SH3RF1: variants seen among roughly 807,000 people sequenced by gnomAD.
SH3RF1 encodes the protein SH3 domain containing ring finger 1.
SH3RF1 carries 32 observed loss-of-function variants against 74.0 expected under a neutral mutation model. That is an observed-to-expected ratio of 0.43 (90% CI 0.33 to 0.58). The LOEUF is 0.58. SH3RF1 is among the 20% of genes least tolerant of loss of function. SH3RF1 has a pLI of 0.05. For missense variants in SH3RF1, 954 were observed against 1,130.9 expected (o/e 0.84, Z 2.24); for synonymous variants, 396 against 439.6 (o/e 0.90, Z 1.24).
At chr4:169,149,976 A>C (rs1321121195) in intron 4 of SH3RF1, among the ~76,000 whole-genome samples, 1 of 152,170 alleles carries the variant, frequency 6.6e-6, no homozygotes, top group South Asian at 2.1e-4. Context: ...TCTTTGGAAC[A>C]CAGACATTAC....
chr4:169,189,525 T>C (rs1250772592), intron 2 of SH3RF1, among the ~76,000 whole-genome samples: 2 of 152,178 alleles, frequency 1.3e-5, no homozygotes, highest in Admixed American at 6.6e-5. Context: ...TGCTTTCCTC[T>C]CCCCAGGACT....
chr4:169,240,728 G>A (rs1451900097), intron 2 of SH3RF1, among the ~76,000 whole-genome samples: 1 of 152,024 alleles, frequency 6.6e-6, no homozygotes, highest in African/African-American at 2.4e-5. Flanking sequence ...GAAATCTACT[G>A]GCCTAGCAGT....
intron 2 of SH3RF1, among the ~76,000 whole-genome samples, chr4:169,159,743 T>A (rs1171122304): frequency 6.6e-6 from 1 of 152,224 alleles, no homozygotes; most frequent in Non-Finnish European, 1.5e-5. Context: ...CACCTGACAA[T>A]GCATTTGTCT....
intron 2 of SH3RF1, among the ~76,000 whole-genome samples, chr4:169,265,665 G>A (rs1181588979): frequency 6.6e-6 from 1 of 151,980 alleles, no homozygotes; most frequent in Non-Finnish European, 1.5e-5. Flanking sequence ...TAAAGACGGG[G>A]TTTCACCATG....
At chr4:169,146,326 T>G (rs574924361) in intron 4 of SH3RF1, among the ~76,000 whole-genome samples, 1 of 149,874 alleles carries the variant, frequency 6.7e-6, no homozygotes, top group Admixed American at 6.7e-5. Flanking sequence ...GCCTCCTGGG[T>G]TCAAGCAATT....
intron 10 of SH3RF1, among the ~76,000 whole-genome samples, 156 bp downstream of exon 10, chr4:169,116,113 A>G (rs1369156286): frequency 6.6e-6 from 1 of 151,876 alleles, no homozygotes; most frequent in Non-Finnish European, 1.5e-5. Context: ...TCCCCACTCT[A>G]CTCCTAGCAC....
intron 4 of SH3RF1, among the ~76,000 whole-genome samples, chr4:169,140,801 A>T (rs757620946): frequency 9.2e-5 from 14 of 152,136 alleles, no homozygotes; most frequent in Non-Finnish European, 2.1e-4. Context: ...TTTACAGATG[A>T]ATCAGTCTGT....
intron 2 of SH3RF1, among the ~76,000 whole-genome samples, chr4:169,199,584 A>C (rs1298239568): frequency 6.6e-6 from 1 of 152,066 alleles, no homozygotes; most frequent in Non-Finnish European, 1.5e-5. Flanking sequence ...ATAACAGCAA[A>C]TGGTCCTGGA....
intron 2 of SH3RF1, among the ~76,000 whole-genome samples, chr4:169,177,980 C>T (rs72706476): frequency 0.049 from 7,383 of 151,866 alleles, 285 homozygotes; most frequent in South Asian, 0.19. Context: ...TTTGGTTGGG[C>T]ACGGTGGCTC....
chr4:169,212,321 C>T (rs535846583), intron 2 of SH3RF1, among the ~76,000 whole-genome samples: 1 of 152,122 alleles, frequency 6.6e-6, no homozygotes, highest in East Asian at 1.9e-4. Context: ...GCCTCAGCCT[C>T]CCAAAATGCC....
intron 4 of SH3RF1, among the ~76,000 whole-genome samples, chr4:169,150,051 C>T (rs1482113330): frequency 2.0e-5 from 3 of 152,182 alleles, no homozygotes; most frequent in African/African-American, 7.2e-5. Context: ...CACTTGTGCT[C>T]CCTGAGCCCT....
At chr4:169,159,934 C>T (rs962355941) in intron 2 of SH3RF1, among the ~76,000 whole-genome samples, 1 of 152,142 alleles carries the variant, frequency 6.6e-6, no homozygotes, top group African/African-American at 2.4e-5. Flanking sequence ...TCTGGTTGAA[C>T]AGAAGAAATT....
intron 11 of SH3RF1, among the ~76,000 whole-genome samples, chr4:169,097,566 G>A (rs558150045): frequency 6.6e-6 from 1 of 152,088 alleles, no homozygotes; most frequent in Admixed American, 6.6e-5. Context: ...GAAACGAGAG[G>A]GAGGTGACTT....
chr4:169,119,848 T>C (rs1366765378), intron 8 of SH3RF1, among the ~76,000 whole-genome samples: 3 of 152,218 alleles, frequency 2.0e-5, no homozygotes, highest in African/African-American at 7.2e-5. Context: ...CTGGACTGTA[T>C]ATTAAACGGC....
At position 169,185,877 on chromosome 4, in the gene SH3RF1, C is replaced by G. The variant is rs556589828; in HGVS notation, c.394-29198G>C. 9.9e-5 allele frequency among the ~76,000 whole-genome samples: 15 copies of G among 152,224 alleles called. No homozygotes were observed. The South Asian group carries it at 2.9e-3, about 29-fold the overall frequency. ...GGTGGAGAGAACTACACAGCGTAAT[C>G]AAGAATCAAATGGGGAGGCAGGATT... On this transcript the variant is annotated intron_variant, in intron 2 of 11. Transcript: ENST00000284637.
intron 2 of SH3RF1, among the ~76,000 whole-genome samples, chr4:169,238,243 G>C (rs548695649): frequency 3.3e-5 from 5 of 152,284 alleles, no homozygotes; most frequent in African/African-American, 1.2e-4. Flanking sequence ...GAATTAGGGT[G>C]TACCTACACC....
At chr4:169,194,286 G>T in intron 2 of SH3RF1, among the ~76,000 whole-genome samples, 2 of 152,268 alleles carry the variant, frequency 1.3e-5, no homozygotes, top group Admixed American at 1.3e-4. Context: ...AAACACTCAT[G>T]GAACAACCAC....
At chr4:169,197,624 C>CA (rs530886905) in intron 2 of SH3RF1, among the ~76,000 whole-genome samples, 17,509 of 114,020 alleles carry the variant, frequency 0.15, 1,429 homozygotes, top group African/African-American at 0.21. Context: ...GACTCTGTCT[C>CA]AAAAAAAAAA....
At chr4:169,140,060 ATTAC>A (rs1237755938) in intron 4 of SH3RF1, among the ~76,000 whole-genome samples, 1 of 152,230 alleles carries the variant, frequency 6.6e-6, no homozygotes, top group African/African-American at 2.4e-5. Context: ...ATACTTTAAA[ATTAC>A]TTGAGATTTC....
Sources: allele counts gnomAD v4.1 joint callset (sites outside exome capture counted in the v4.1 genomes callset), GRCh38; gene constraint gnomAD v4.1.1; transcripts MANE v1.5; gene names NCBI Gene and HGNC (gene_info 2026-07-23, HGNC 2026-07-21).